The following BMAL1 variants were observed in gnomAD, a reference collection of about 807,000 sequenced individuals.
BMAL1 encodes basic helix-loop-helix ARNT-like protein 1.
At chr11:13,302,729 C>G in the BMAL1 span, among the ~76,000 whole-genome samples, 1 of 152,182 alleles carries the variant, frequency 6.6e-6, no homozygotes, top group Admixed American at 6.5e-5. Flanking sequence ...GGTGCTCGCT[C>G]CACAAGCAGC....
At chr11:13,325,907 A>G in the BMAL1 span, among the ~76,000 whole-genome samples, 1 of 151,588 alleles carries the variant, frequency 6.6e-6, no homozygotes, top group East Asian at 1.9e-4. Flanking sequence ...AGAAGCGGGG[A>G]AAGAGTAGAA....
At chr11:13,355,344 A>C in the BMAL1 span, 1 of 1,570,456 alleles carries the variant, frequency 6.4e-7, no homozygotes, top group East Asian at 2.2e-5. Flanking sequence ...GGGGCTGGAG[A>C]GTGGGTATGA....
chr11:13,302,571 A>G, the BMAL1 span, among the ~76,000 whole-genome samples: 6 of 152,186 alleles, frequency 3.9e-5, no homozygotes, highest in African/African-American at 1.2e-4. Flanking sequence ...AATTGGGCCC[A>G]TGTGGGCTCT....
chr11:13,278,556 C>T, the BMAL1 span, among the ~76,000 whole-genome samples: 1 of 152,346 alleles, frequency 6.6e-6, no homozygotes, highest in South Asian at 2.1e-4. Flanking sequence ...GCCCCTTCGG[C>T]CCTGTAGCCA....
chr11:13,370,289 T>A, the BMAL1 span, among the ~76,000 whole-genome samples: 1 of 152,142 alleles, frequency 6.6e-6, no homozygotes, highest in African/African-American at 2.4e-5. Flanking sequence ...CTGCAGTCTC[T>A]CTCTGTTGGT....
chr11:13,365,139 T>C, the BMAL1 span, among the ~76,000 whole-genome samples: 1 of 152,186 alleles, frequency 6.6e-6, no homozygotes, highest in African/African-American at 2.4e-5. Context: ...TGACTCTCCA[T>C]AGAGTTGTTA....
At chr11:13,290,464 A>T in the BMAL1 span, among the ~76,000 whole-genome samples, 1 of 152,200 alleles carries the variant, frequency 6.6e-6, no homozygotes, top group African/African-American at 2.4e-5. Flanking sequence ...TGGGGGATTC[A>T]TGGCTGAGCC....
the BMAL1 span, among the ~76,000 whole-genome samples, chr11:13,305,667 T>C: frequency 6.6e-6 from 1 of 152,224 alleles, no homozygotes; most frequent in East Asian, 1.9e-4. Context: ...GTGCACATCC[T>C]TGCCTTGTTC....
At chr11:13,376,900 A>G in the BMAL1 span, 1 of 600,140 alleles carries the variant, frequency 1.7e-6, no homozygotes, top group Non-Finnish European at 2.9e-6. Flanking sequence ...CTGTCATGTC[A>G]CTTTCTCTGT....
chr11:13,301,368 A>T, the BMAL1 span, among the ~76,000 whole-genome samples: 1 of 152,226 alleles, frequency 6.6e-6, no homozygotes, highest in African/African-American at 2.4e-5. Flanking sequence ...AGGGAGAAAG[A>T]ACCCAGTGCA....
chr11:13,286,971 G>T, the BMAL1 span, among the ~76,000 whole-genome samples: 1 of 152,140 alleles, frequency 6.6e-6, no homozygotes, highest in South Asian at 2.1e-4. Context: ...TCAGTACCCT[G>T]CTGGAAGAAA....
the BMAL1 span, among the ~76,000 whole-genome samples, chr11:13,292,200 G>C: frequency 2.0e-5 from 3 of 151,884 alleles, no homozygotes; most frequent in African/African-American, 7.3e-5. Flanking sequence ...TATTTTAAAA[G>C]TTTTCCACAA....
chr11:13,341,825 C>T, the BMAL1 span, among the ~76,000 whole-genome samples: 1 of 152,234 alleles, frequency 6.6e-6, no homozygotes, highest in Non-Finnish European at 1.5e-5. Context: ...TTTAGCTGGT[C>T]CTTGAGCATG....
At chr11:13,332,962 C>CTTTTTTTTT in the BMAL1 span, among the ~76,000 whole-genome samples, 2 of 141,122 alleles carry the variant, frequency 1.4e-5, no homozygotes. Context: ...TCGATACTGT[C>CTTTTTTTTT]TTTTTTTTTT....
chr11:13,349,874 A>T, the BMAL1 span: 1 of 152,156 alleles, frequency 6.6e-6, no homozygotes. Context: ...CTTAGCTAAT[A>T]AGAGATTTTT....
the BMAL1 span, among the ~76,000 whole-genome samples, chr11:13,358,168 T>C: frequency 2.0e-5 from 3 of 152,214 alleles, no homozygotes; most frequent in Admixed American, 6.5e-5. Context: ...AAATGAACAA[T>C]TCAGTTTACT....
the BMAL1 span, among the ~76,000 whole-genome samples, chr11:13,347,516 G>A: frequency 4.6e-5 from 7 of 152,096 alleles, no homozygotes; most frequent in African/African-American, 1.7e-4. Context: ...TTCATATGGA[G>A]TTTAGTACTT....
chr11:13,383,920 A>C, the BMAL1 span, among the ~76,000 whole-genome samples: 1 of 152,114 alleles, frequency 6.6e-6, no homozygotes, highest in Non-Finnish European at 1.5e-5. Flanking sequence ...ACTTTTATAA[A>C]ATTCTCAAGC....
chr11:13,343,808 C>CT, the BMAL1 span, among the ~76,000 whole-genome samples: 2 of 152,192 alleles, frequency 1.3e-5, no homozygotes, highest in Non-Finnish European at 2.9e-5. Context: ...GGACTCTCCT[C>CT]TATCAACGAT....
Sources: allele counts gnomAD v4.1 joint callset (sites outside exome capture counted in the v4.1 genomes callset), GRCh38; gene constraint gnomAD v4.1.1; transcripts MANE v1.5; gene names NCBI Gene and HGNC (gene_info 2026-07-23, HGNC 2026-07-21).